Variants in VAMP7 observed in about 807,000 individuals in gnomAD.
VAMP7 encodes vesicle-associated membrane protein 7.
VAMP7 carries 14 observed loss-of-function variants against 29.6 expected under a neutral mutation model. The observed-to-expected ratio is 0.47, with a 90% CI of 0.31 to 0.74. The LOEUF (loss-of-function observed/expected upper bound fraction) is 0.74. Among genes scored for constraint, VAMP7 ranks in the 30% least tolerant of loss-of-function variants. The probability of loss-of-function intolerance (pLI) is 0.05; values close to 1 mark genes in which losing one functional copy is unlikely to be tolerated. For missense variants in VAMP7, 223 were observed against 262.4 expected (o/e 0.85, Z 1.04); for synonymous variants, 95 against 88.1 (o/e 1.08, Z -0.44).
intron 7 of VAMP7, 139 bp from the exon 8 acceptor site, chrX:155,941,744 T>G: frequency 4.8e-6 from 5 of 1,034,248 alleles, no homozygotes; most frequent in Non-Finnish European, 6.9e-6. Context: ...AATACTTGTT[T>G]AGTGTGTTCC....
At chrX:155,935,175 G>A (rs1186014911) in intron 6 of VAMP7, among the ~76,000 whole-genome samples, 3 of 151,914 alleles carry the variant, frequency 2.0e-5, no homozygotes, top group African/African-American at 7.3e-5. Context: ...ACAATTATGT[G>A]TCTCGGAGTT....
At chrX:155,891,746 A>C (rs1283132202) in intron 2 of VAMP7, among the ~76,000 whole-genome samples, 3 of 152,212 alleles carry the variant, frequency 2.0e-5, no homozygotes, top group Non-Finnish European at 4.4e-5. Context: ...TTTGTTCTCC[A>C]GGAAGTTTTT....
chrX:155,882,482 A>T (rs2065814345), intron 1 of VAMP7, among the ~76,000 whole-genome samples: 1 of 152,178 alleles, frequency 6.6e-6, no homozygotes, highest in South Asian at 2.1e-4. Flanking sequence ...AATAATCTTG[A>T]TCTGTAACAT....
intron 4 of VAMP7, among the ~76,000 whole-genome samples, chrX:155,899,666 C>G (rs934714593): frequency 1.3e-5 from 2 of 151,926 alleles, no homozygotes; most frequent in Non-Finnish European, 2.9e-5. Flanking sequence ...AAATGTTCAT[C>G]TGTGTAAAAC....
At chrX:155,890,261 G>A (rs1342979412) in intron 2 of VAMP7, among the ~76,000 whole-genome samples, 1 of 152,166 alleles carries the variant, frequency 6.6e-6, no homozygotes, top group Non-Finnish European at 1.5e-5. Flanking sequence ...GTAGGGCCTT[G>A]TAGGCCATAT....
chrX:155,888,054 G>A (rs2065886381), intron 1 of VAMP7, among the ~76,000 whole-genome samples: 1 of 152,124 alleles, frequency 6.6e-6, no homozygotes, highest in Non-Finnish European at 1.5e-5. Flanking sequence ...TACTGCATAT[G>A]TGTAAGGAGA....
intron 5 of VAMP7, among the ~76,000 whole-genome samples, chrX:155,905,771 A>G (rs2066138465): frequency 1.3e-5 from 2 of 152,214 alleles, no homozygotes; most frequent in Non-Finnish European, 2.9e-5. Context: ...TTATGCCAGT[A>G]CCAGGCTGTC....
At chrX:155,913,876 G>A (rs2066273566) in intron 5 of VAMP7, among the ~76,000 whole-genome samples, 1 of 152,170 alleles carries the variant, frequency 6.6e-6, no homozygotes, top group Non-Finnish European at 1.5e-5. Flanking sequence ...GGTTCCAAAT[G>A]AAATTTAAAG....
chrX:155,937,510 A>T (rs1427970804), intron 6 of VAMP7, among the ~76,000 whole-genome samples: 1 of 152,240 alleles, frequency 6.6e-6, no homozygotes, highest in Non-Finnish European at 1.5e-5. Context: ...ATTTATCAGA[A>T]TATCACATTG....
intron 6 of VAMP7, among the ~76,000 whole-genome samples, chrX:155,922,027 A>G (rs2066403578): frequency 6.6e-6 from 1 of 151,996 alleles, no homozygotes; most frequent in Admixed American, 6.6e-5. Context: ...TCTTGCACAT[A>G]TTTGTTAAAT....
intron 1 of VAMP7, among the ~76,000 whole-genome samples, chrX:155,882,269 G>A (rs1284292429): frequency 6.6e-6 from 1 of 152,152 alleles, no homozygotes; most frequent in East Asian, 1.9e-4. Context: ...AGGGGATACA[G>A]CTGTAAACAA....
chrX:155,929,894 C>T (rs1221959015), intron 6 of VAMP7, among the ~76,000 whole-genome samples: 2 of 152,200 alleles, frequency 1.3e-5, no homozygotes, highest in East Asian at 3.9e-4. Flanking sequence ...CCCCAAACCA[C>T]CCTCAGATTT....
At chrX:155,914,255 T>C (rs1204297992) in intron 5 of VAMP7, among the ~76,000 whole-genome samples, 1 of 152,162 alleles carries the variant, frequency 6.6e-6, no homozygotes, top group Non-Finnish European at 1.5e-5. Context: ...CTTAAGGAGA[T>C]TTTGGGCTGA....
At chrX:155,911,867 T>C (rs1569443040) in intron 5 of VAMP7, among the ~76,000 whole-genome samples, 1 of 152,110 alleles carries the variant, frequency 6.6e-6, no homozygotes, top group Admixed American at 6.5e-5. Flanking sequence ...GGTGGAGTCT[T>C]TGGGTCTTTT....
rs1321624325 is a variant in VAMP7 at position 155,942,737 on chromosome X, G to A, written c.*786G>A. On this transcript the variant is annotated 3_prime_UTR_variant, in exon 8 of 8. Transcript: ENST00000286448. ...TCTTCTGTGAATATTTAGGGCAATC[G>A]TGTCGCTAATAGAATATGTAGTAGA... is the stretch of plus-strand genomic sequence containing the variant. The A allele has an allele frequency of 6.5e-6, 1 of 153,134 alleles. No homozygotes were observed. The highest frequency in any genetic ancestry group is 2.1e-4 in the South Asian group (1 of 4,876). The allele number at this position is 153,134 out of a possible 1,614,324, so 9.5% of individuals were successfully genotyped here.
rs1433341070 is a variant in VAMP7 at position 155,901,917 on chromosome X, T to C, written c.433+1330T>C. 9.2e-5 allele frequency among the ~76,000 whole-genome samples: 14 copies of C among 152,250 alleles called. No homozygotes were observed. The East Asian group carries it at 1.9e-3, about 21-fold the overall frequency. On this transcript the variant is annotated intron_variant, in intron 5 of 7. Transcript: ENST00000286448. ...CTTCCAATTCTGTGAAGAAAGTCAT[T>C]GGTAGCTTGATGGGGATGGCATTGA...
rs989894745 is a variant in VAMP7, at chrX:155,920,969, A to T, written c.501+1089A>T. On this transcript the variant is annotated intron_variant, in intron 6 of 7. Coordinates refer to ENST00000286448, the MANE Select transcript of VAMP7 (RefSeq NM_005638.6). ...AAGGATGCTACCATACAGGAAGTCAAAACACCTGGGTTCTAGATCTCACTT... is the reference window on the plus strand; with the variant it reads ...AAGGATGCTACCATACAGGAAGTCATAACACCTGGGTTCTAGATCTCACTT... 7.2e-5 allele frequency among the ~76,000 whole-genome samples: 11 copies of T among 152,162 alleles called. 2 individuals are homozygous for T. The highest frequency in any genetic ancestry group is 6.5e-4 in the Admixed American group (10 of 15,282).
chrX:155,933,403 G>C (rs2066595273), intron 6 of VAMP7, among the ~76,000 whole-genome samples: 1 of 152,120 alleles, frequency 6.6e-6, no homozygotes, highest in Admixed American at 6.5e-5. Context: ...TCTATTCAGA[G>C]ATTCAACTTC....
intron 6 of VAMP7, among the ~76,000 whole-genome samples, chrX:155,936,567 G>C (rs1381884246): frequency 6.6e-6 from 1 of 152,206 alleles, no homozygotes; most frequent in Non-Finnish European, 1.5e-5. Flanking sequence ...ATTAGGGTGG[G>C]AGTGATCCGA....
Sources: gnomAD v4.1 joint callset for allele counts (sites outside exome capture counted in the v4.1 genomes callset) on GRCh38, gnomAD v4.1.1 for gene constraint, MANE v1.5 for transcripts, NCBI Gene and HGNC (gene_info 2026-07-23, HGNC 2026-07-21) for gene names.